DYSF: variants seen among roughly 807,000 people sequenced by gnomAD.
DYSF encodes dystrophy-associated fer-1-like 1.
A neutral mutation model predicts 274.9 loss-of-function variants in DYSF; 212 were observed. The observed-to-expected ratio is 0.77, with a 90% CI of 0.69 to 0.86. The LOEUF (loss-of-function observed/expected upper bound fraction) is 0.86. Among genes scored for constraint, DYSF ranks in the 40% least tolerant of loss-of-function variants. The pLI, the probability that DYSF is intolerant of heterozygous loss-of-function variation, is 0.00. For missense variants in DYSF, 2,666 were observed against 2,783.2 expected, an observed-to-expected ratio of 0.96 and a Z score of 0.95; for synonymous variants, 1,091 against 1,078.7, an observed-to-expected ratio of 1.01 and a Z score of -0.22.
chr2:71,621,134 G>A (rs2094089048), intron 41 of DYSF, among the ~76,000 whole-genome samples: 1 of 151,998 alleles, frequency 6.6e-6, no homozygotes, highest in African/African-American at 2.4e-5. Context: ...GATTCCTTAG[G>A]TGTCATCTTT....
rs72900880 is a variant in DYSF at position 71,554,280 on chromosome 2, G to A, written c.2109+349G>A. On this transcript the variant is annotated intron_variant, in intron 21 of 55. Coordinates refer to ENST00000410020, the MANE Select transcript of DYSF (RefSeq NM_001130987.2). The stretch of plus-strand genomic sequence containing the variant: ...GCCTTTGGACTCGTAATGCACACAA[G>A]GGCTTGTGCTAGAAACTTCTAGCCA... Among the ~76,000 whole-genome samples the A allele has an allele frequency of 7.2e-3, 1,091 of 152,330 alleles. 11 individuals carry two copies. Among genetic ancestry groups the A allele is most frequent in the African/African-American group, 0.025 (1,025 of 41,566 alleles).
chr2:71,526,421 C>CGCGGGGGGGGGGGGGGG, intron 13 of DYSF, 75 bp downstream of exon 13: 3 of 272,064 alleles, frequency 1.1e-5, no homozygotes, highest in Non-Finnish European at 2.0e-5. Context: ...TGGGCGATGG[C>CGCGGGGGGGGGGGGGGG]GGGCGGGGTC....
At chr2:71,651,218 T>C (rs1363283051) in intron 42 of DYSF, among the ~76,000 whole-genome samples, 1 of 151,064 alleles carries the variant, frequency 6.6e-6, no homozygotes, top group East Asian at 1.9e-4. Context: ...AAAGAGAAAA[T>C]TATAGAATTG....
At chr2:71,571,039 A>G (rs2092394980) in intron 29 of DYSF, 1 of 415,948 alleles carries the variant, frequency 2.4e-6, no homozygotes, top group African/African-American at 3.0e-5. Context: ...CACACAGATT[A>G]CACCCAGCAC....
chr2:71,523,265 T>G (rs546769709), intron 12 of DYSF, among the ~76,000 whole-genome samples: 20 of 152,276 alleles, frequency 1.3e-4, no homozygotes, highest in African/African-American at 4.3e-4. Context: ...AGGCCACATC[T>G]CTTCCTTCAA....
At chr2:71,600,479 T>C (rs1037366299) in intron 33 of DYSF, among the ~76,000 whole-genome samples, 1 of 152,210 alleles carries the variant, frequency 6.6e-6, no homozygotes, top group African/African-American at 2.4e-5. Context: ...TTCCCGACCA[T>C]GATGGGAATT....
At chr2:71,605,639 T>C (rs1004428644) in intron 36 of DYSF, among the ~76,000 whole-genome samples, 1 of 152,036 alleles carries the variant, frequency 6.6e-6, no homozygotes, top group Non-Finnish European at 1.5e-5. Flanking sequence ...GTGGCTGATT[T>C]TACTGCCAGT....
intron 22 of DYSF, among the ~76,000 whole-genome samples, chr2:71,558,945 T>C (rs1159816414): frequency 6.6e-6 from 1 of 151,996 alleles, no homozygotes; most frequent in Non-Finnish European, 1.5e-5. Flanking sequence ...TCACAGCTGA[T>C]AGGCAGAGCA....
At position 71,602,878 on chromosome 2, in the gene DYSF, C is replaced by T. The variant is rs896894202; in HGVS notation, c.3957+73C>T. Reference sequence around the variant, plus strand: ...GGTGAAGCCAGCCTTCAAGCACACACCTGGAGCCTTCCAGGTTCCTGGTGC... The same window carrying T: ...GGTGAAGCCAGCCTTCAAGCACACATCTGGAGCCTTCCAGGTTCCTGGTGC... On this transcript the variant is annotated intron_variant, in intron 36 of 55. Transcript: ENST00000410020. 8.3e-6 allele frequency: 13 copies of T among 1,570,972 alleles called. 1 individual carries two copies. The highest frequency in any genetic ancestry group is 1.7e-5 in the Admixed American group (1 of 57,690).
chr2:71,600,002 C>T (rs774567230), intron 33 of DYSF, among the ~76,000 whole-genome samples: 6 of 151,244 alleles, frequency 4.0e-5, no homozygotes, highest in Non-Finnish European at 7.4e-5. Flanking sequence ...CTGGCACCTT[C>T]GGAGCAGGAG....
intron 41 of DYSF, among the ~76,000 whole-genome samples, chr2:71,641,126 A>T (rs1263776765): frequency 6.7e-6 from 1 of 150,276 alleles, no homozygotes; most frequent in Non-Finnish European, 1.5e-5. Context: ...GATTTTTCTC[A>T]TTCCTAATAG....
intron 14 of DYSF, among the ~76,000 whole-genome samples, chr2:71,529,832 AT>A (rs2088452314): frequency 6.6e-6 from 1 of 152,140 alleles, no homozygotes; most frequent in Admixed American, 6.5e-5. Context: ...ATTAGCCAAC[AT>A]TTTTTTCTGT....
intron 12 of DYSF, among the ~76,000 whole-genome samples, chr2:71,525,250 G>A (rs562954305): frequency 2.0e-5 from 3 of 151,994 alleles, no homozygotes; most frequent in Admixed American, 6.5e-5. Context: ...GGCGGGGGGC[G>A]GTCTCACTTT....
intron 3 of DYSF, 103 bp from the exon 4 acceptor site, chr2:71,503,111 C>G: frequency 9.6e-7 from 1 of 1,044,684 alleles, no homozygotes; most frequent in Non-Finnish European, 1.5e-6. Context: ...ACTGTGTGGT[C>G]TAGGCAGACC....
At chr2:71,606,788 T>C (rs1439543874) in intron 36 of DYSF, among the ~76,000 whole-genome samples, 7 of 152,052 alleles carry the variant, frequency 4.6e-5, no homozygotes, top group African/African-American at 1.7e-4. Flanking sequence ...ATGGGTTAGA[T>C]TCAGTTGGCA....
At chr2:71,661,116 C>CAAAAAAAAAA (rs55761719) in intron 45 of DYSF, among the ~76,000 whole-genome samples, 28 of 85,832 alleles carry the variant, frequency 3.3e-4, no homozygotes, top group African/African-American at 4.0e-4. Flanking sequence ...AACCCTGTCT[C>CAAAAAAAAAA]AAAAAAAAAA....
chr2:71,661,094 G>A (rs935169718), intron 45 of DYSF, among the ~76,000 whole-genome samples: 20 of 144,974 alleles, frequency 1.4e-4, no homozygotes, highest in Middle Eastern at 3.5e-3. Flanking sequence ...TCCAGCCTGG[G>A]TGACAGAGCA....
intron 3 of DYSF, among the ~76,000 whole-genome samples, chr2:71,497,507 T>TC (rs2084523886): frequency 6.6e-6 from 1 of 152,184 alleles, no homozygotes; most frequent in Admixed American, 6.5e-5. Flanking sequence ...CATGTTTGCT[T>TC]CCCCTTCCCC....
intron 36 of DYSF, chr2:71,610,958 G>A: frequency 4.2e-6 from 2 of 473,988 alleles, no homozygotes; most frequent in Non-Finnish European, 7.8e-6. Flanking sequence ...AGCTCAGGGG[G>A]CATCAGAGCC....
Sources: allele counts gnomAD v4.1 joint callset (sites outside exome capture counted in the v4.1 genomes callset), GRCh38; gene constraint gnomAD v4.1.1; transcripts MANE v1.5; gene names NCBI Gene and HGNC (gene_info 2026-07-23, HGNC 2026-07-21).